GPM6A: variants seen among roughly 807,000 people sequenced by gnomAD.
GPM6A encodes the protein glycoprotein M6A.
Under a neutral mutation model 32.1 loss-of-function variants are expected in GPM6A, and 7 were observed. The ratio of observed to expected loss-of-function variants is 0.22; its 90% CI spans 0.12 to 0.41. The LOEUF is 0.41. Among genes scored for constraint, GPM6A ranks in the 10% least tolerant of loss-of-function variants. The probability of loss-of-function intolerance (pLI) is 1.00; values close to 1 mark genes in which losing one functional copy is unlikely to be tolerated. For missense variants in GPM6A, 235 were observed against 347.2 expected, an observed-to-expected ratio of 0.68 and a Z score of 2.57; for synonymous variants, 130 against 123.4, an observed-to-expected ratio of 1.05 and a Z score of -0.35.
intron 1 of GPM6A, among the ~76,000 whole-genome samples, chr4:175,892,519 T>G (rs1304064399): frequency 6.6e-6 from 1 of 152,204 alleles, no homozygotes; most frequent in Non-Finnish European, 1.5e-5. Flanking sequence ...CTTCTTATAC[T>G]TATTGTTCAT....
chr4:175,818,839 A>G (rs1160534367), intron 1 of GPM6A, among the ~76,000 whole-genome samples: 1 of 152,194 alleles, frequency 6.6e-6, no homozygotes, highest in East Asian at 1.9e-4. Flanking sequence ...AGCAAAACAA[A>G]AAGGGAGCTG....
chr4:175,857,031 T>A (rs1736439964), intron 1 of GPM6A, among the ~76,000 whole-genome samples: 1 of 152,168 alleles, frequency 6.6e-6, no homozygotes, highest in African/African-American at 2.4e-5. Flanking sequence ...TACCCAGTAT[T>A]TCCCTGCTTC....
chr4:175,994,951 T>C (rs1330974267), intron 1 of GPM6A, among the ~76,000 whole-genome samples: 1 of 152,270 alleles, frequency 6.6e-6, no homozygotes, highest in Non-Finnish European at 1.5e-5. Flanking sequence ...GTAAATTCCA[T>C]TTTAAGGAAC....
chr4:175,923,614 C>T (rs1462291364), intron 1 of GPM6A, among the ~76,000 whole-genome samples: 2 of 151,798 alleles, frequency 1.3e-5, no homozygotes, highest in African/African-American at 2.4e-5. Flanking sequence ...AGTGCAGTGG[C>T]GTGAGCTTGG....
chr4:175,778,645 A>AAAAAAG (rs1560928290), intron 1 of GPM6A, among the ~76,000 whole-genome samples: 31 of 148,114 alleles, frequency 2.1e-4, no homozygotes, highest in South Asian at 6.4e-4. Context: ...AAAAAAAAAA[A>AAAAAAG]AAAAAGAAAA....
intron 1 of GPM6A, among the ~76,000 whole-genome samples, chr4:175,945,472 C>T (rs73871298): frequency 0.06 from 9,081 of 151,516 alleles, 854 homozygotes; most frequent in African/African-American, 0.2. Context: ...CCATATTACT[C>T]AGTTGTAAAT....
intron 4 of GPM6A, among the ~76,000 whole-genome samples, chr4:175,646,579 G>A (rs1441901929): frequency 6.6e-6 from 1 of 152,126 alleles, no homozygotes. Context: ...TTTCAAAATT[G>A]AGCAGTACTA....
At chr4:175,895,974 C>T (rs1481750098) in intron 1 of GPM6A, among the ~76,000 whole-genome samples, 2 of 152,082 alleles carry the variant, frequency 1.3e-5, no homozygotes, top group East Asian at 1.9e-4. Flanking sequence ...CATCTGTGGC[C>T]TTTTCCTATG....
intron 1 of GPM6A, among the ~76,000 whole-genome samples, chr4:175,870,228 T>A (rs1736864714): frequency 6.6e-6 from 1 of 151,318 alleles, no homozygotes; most frequent in South Asian, 2.1e-4. Context: ...AAATACAAGA[T>A]CTGCTTTTTT....
intron 4 of GPM6A, among the ~76,000 whole-genome samples, chr4:175,648,120 T>A (rs56379541): frequency 0.16 from 23,477 of 150,698 alleles, 2,046 homozygotes; most frequent in Admixed American, 0.25. Context: ...TTTCTTTTTT[T>A]AAAAAAAAAA....
intron 1 of GPM6A, among the ~76,000 whole-genome samples, chr4:175,957,553 G>C (rs1740027020): frequency 7.0e-6 from 1 of 142,746 alleles, no homozygotes; most frequent in Non-Finnish European, 1.5e-5. Flanking sequence ...TCACACAGCA[G>C]AGTCTGTCAG....
At chr4:175,678,814 C>A (rs1205645156) in intron 2 of GPM6A, among the ~76,000 whole-genome samples, 1 of 151,972 alleles carries the variant, frequency 6.6e-6, no homozygotes, top group Non-Finnish European at 1.5e-5. Context: ...GGCATGTTTT[C>A]TAAACATATT....
At chr4:175,823,071 G>T (rs1735328741) in intron 1 of GPM6A, among the ~76,000 whole-genome samples, 1 of 152,168 alleles carries the variant, frequency 6.6e-6, no homozygotes, top group Admixed American at 6.5e-5. Context: ...TAACACCTCT[G>T]CAAGATAGCT....
In GPM6A at chr4:175,847,333, G is replaced by A. The variant is rs143971054; in HGVS notation, c.-22-35084C>T. 2.9e-3 allele frequency among the ~76,000 whole-genome samples: 445 copies of A among 152,180 alleles called. 1 individual carries two copies. Among genetic ancestry groups the A allele is most frequent in the African/African-American group, 0.01 (423 of 41,520 alleles). ...CTCTTTCTGTGACCCAGGGTCAACCGCAGTCCAAAAATATTAAATGGAAAA... is the reference window on the plus strand; with the variant it reads ...CTCTTTCTGTGACCCAGGGTCAACCACAGTCCAAAAATATTAAATGGAAAA... On this transcript the variant is annotated intron_variant, in intron 1 of 7. Coordinates refer to the GPM6A transcript ENST00000280187.
At chr4:175,928,052 G>A (rs1177580651) in intron 1 of GPM6A, among the ~76,000 whole-genome samples, 2 of 152,036 alleles carry the variant, frequency 1.3e-5, no homozygotes, top group African/African-American at 4.8e-5. Flanking sequence ...ATTTTTTAAG[G>A]AGGACGTGAA....
intron 1 of GPM6A, among the ~76,000 whole-genome samples, chr4:175,915,631 C>T (rs1738470199): frequency 6.6e-6 from 1 of 152,006 alleles, no homozygotes; most frequent in Non-Finnish European, 1.5e-5. Context: ...CAGGCAATTT[C>T]ACAGATGAAG....
At chr4:175,766,049 T>C (rs906407605) in intron 1 of GPM6A, among the ~76,000 whole-genome samples, 3 of 152,202 alleles carry the variant, frequency 2.0e-5, no homozygotes, top group African/African-American at 7.2e-5. Context: ...TTCTTTATGA[T>C]TCATTATTCT....
At chr4:175,729,899 G>T (rs1459693381) in intron 1 of GPM6A, among the ~76,000 whole-genome samples, 1 of 144,924 alleles carries the variant, frequency 6.9e-6, no homozygotes, top group Non-Finnish European at 1.5e-5. Context: ...ATTAATATAT[G>T]TATTCAAATA....
intron 1 of GPM6A, among the ~76,000 whole-genome samples, chr4:175,854,759 G>A (rs1330340473): frequency 6.6e-6 from 1 of 152,176 alleles, no homozygotes; most frequent in African/African-American, 2.4e-5. Flanking sequence ...AGGGAATAGA[G>A]CTGCACAAAG....
Sources: gnomAD v4.1 joint callset for allele counts (sites outside exome capture counted in the v4.1 genomes callset) on GRCh38, gnomAD v4.1.1 for gene constraint, MANE v1.5 for transcripts, NCBI Gene and HGNC (gene_info 2026-07-23, HGNC 2026-07-21) for gene names.